XKR4: variants seen among roughly 807,000 people sequenced by gnomAD.
XKR4 encodes the protein XK related 4, also known as XK-related protein 4.
A neutral mutation model predicts 53.9 loss-of-function variants in XKR4; 12 were observed. The observed-to-expected ratio is 0.22, with a 90% confidence interval of 0.14 to 0.36. The LOEUF (loss-of-function observed/expected upper bound fraction) is 0.36, where lower values mean the gene tolerates loss of function less well. Ranked by LOEUF, XKR4 falls within the 10% of genes least tolerant of loss-of-function variation. The pLI is 1.00. For missense variants in XKR4, 799 were observed against 859.5 expected (o/e 0.93, Z 0.88); for synonymous variants, 354 against 362.4 (o/e 0.98, Z 0.26).
rs1176880441 is a variant in XKR4, at chr8:55,528,399, G to C, written c.*4172G>C. On this transcript the variant is annotated 3_prime_UTR_variant, in exon 3 of 3. Coordinates refer to ENST00000327381, the MANE Select transcript of XKR4 (RefSeq NM_052898.2). The stretch of plus-strand genomic sequence containing the variant: ...CAGGATTGTGTAAGGTTACACATTT[G>C]CTTTTAAATATACCAAATGCCGTTG... 6.6e-6 allele frequency: 1 copy of C among 152,202 alleles called. No homozygotes were observed. Among genetic ancestry groups the C allele is most frequent in the African/African-American group, 2.4e-5 (1 of 41,454 alleles). 9.4% of individuals were successfully genotyped at this position (152,202 alleles called of 1,614,324 possible). A position where few individuals can be genotyped will look rare whatever the true frequency, so the allele number is the denominator to read the frequency against.
chr8:55,356,300 C>T (rs917304482), intron 1 of XKR4, among the ~76,000 whole-genome samples: 3 of 152,138 alleles, frequency 2.0e-5, no homozygotes, highest in Middle Eastern at 3.2e-3. Context: ...CAAAAGCAGT[C>T]GAACTTGAAG....
At chr8:55,415,456 G>T (rs1043273903) in intron 2 of XKR4, among the ~76,000 whole-genome samples, 3 of 152,190 alleles carry the variant, frequency 2.0e-5, no homozygotes, top group African/African-American at 7.2e-5. Flanking sequence ...TGTAGGAAAA[G>T]ATACAGATCC....
At chr8:55,123,434 G>T (rs974869015) in intron 1 of XKR4, among the ~76,000 whole-genome samples, 2 of 152,236 alleles carry the variant, frequency 1.3e-5, no homozygotes, top group African/African-American at 4.8e-5. Flanking sequence ...GCTGGCATCA[G>T]GCCAGTGGGT....
chr8:55,212,841 C>T (rs907717674), intron 1 of XKR4, among the ~76,000 whole-genome samples: 1 of 152,040 alleles, frequency 6.6e-6, no homozygotes, highest in African/African-American at 2.4e-5. Flanking sequence ...GGTGTTCATC[C>T]AGTTTTTGTA....
intron 1 of XKR4, among the ~76,000 whole-genome samples, chr8:55,339,605 T>A (rs1013583770): frequency 2.6e-5 from 4 of 152,198 alleles, no homozygotes; most frequent in African/African-American, 9.7e-5. Flanking sequence ...GCACCTTCTT[T>A]TTCTTTAATG....
chr8:55,392,077 C>T (rs1804451114), intron 2 of XKR4, among the ~76,000 whole-genome samples: 1 of 152,148 alleles, frequency 6.6e-6, no homozygotes, highest in South Asian at 2.1e-4. Context: ...GTAAAAAGCT[C>T]ATTAGTATAG....
intron 1 of XKR4, among the ~76,000 whole-genome samples, chr8:55,239,622 C>A (rs1818180592): frequency 6.6e-6 from 1 of 152,190 alleles, no homozygotes. Context: ...AGACATTCTT[C>A]TAATATTCTG....
intron 1 of XKR4, among the ~76,000 whole-genome samples, chr8:55,320,162 C>A (rs1803184885): frequency 6.6e-6 from 1 of 152,152 alleles, no homozygotes; most frequent in African/African-American, 2.4e-5. Context: ...CTGTATTGAT[C>A]TGAAAAACAG....
intron 2 of XKR4, among the ~76,000 whole-genome samples, chr8:55,509,317 C>T (rs1806588189): frequency 6.6e-6 from 1 of 152,196 alleles, no homozygotes; most frequent in African/African-American, 2.4e-5. Flanking sequence ...TAATTGTGAA[C>T]TCATACTTCC....
Position 55,527,199 on chromosome 8 carries a change from C to G in XKR4, c.*2972C>G, listed in dbSNP as rs1314834300. The G allele has an allele frequency of 6.9e-6, 1 of 144,168 alleles. No individual in the cohort carries two copies. Among genetic ancestry groups the G allele is most frequent in the Admixed American group, 7.1e-5 (1 of 14,140 alleles). The allele number at this position is 144,168 out of a possible 1,614,324, so 8.9% of individuals were successfully genotyped here. A position where few individuals can be genotyped will look rare whatever the true frequency, so the allele number is the denominator to read the frequency against. On this transcript the variant is annotated 3_prime_UTR_variant, in exon 3 of 3. Coordinates refer to ENST00000327381, the MANE Select transcript of XKR4 (RefSeq NM_052898.2). The stretch of plus-strand genomic sequence containing the variant: ...GATTTAAAGAGACATCATCAGTGTA[C>G]AAAGAAACAAAGTTTCATTTTTGTA...
intron 1 of XKR4, among the ~76,000 whole-genome samples, chr8:55,116,792 A>C (rs1392090686): frequency 6.6e-6 from 1 of 151,946 alleles, no homozygotes; most frequent in East Asian, 1.9e-4. Flanking sequence ...TTTTTGGTTC[A>C]GTGTTCTTAA....
chr8:55,364,552 T>C (rs1363634720), intron 2 of XKR4, among the ~76,000 whole-genome samples: 1 of 152,216 alleles, frequency 6.6e-6, no homozygotes, highest in Non-Finnish European at 1.5e-5. Context: ...CAAGCTGGTG[T>C]CTGAAACTGT....
At chr8:55,387,510 G>A (rs2129388223) in intron 2 of XKR4, among the ~76,000 whole-genome samples, 1 of 152,244 alleles carries the variant, frequency 6.6e-6, no homozygotes, top group South Asian at 2.1e-4. Context: ...CTAGGGCTAG[G>A]GCTGTGGTCA....
chr8:55,205,227 C>T (rs563961020), intron 1 of XKR4, among the ~76,000 whole-genome samples: 2 of 152,318 alleles, frequency 1.3e-5, no homozygotes, highest in East Asian at 3.9e-4. Context: ...AAAAATCTTT[C>T]TTGCCTAGCT....
chr8:55,294,165 C>T (rs1477010436), intron 1 of XKR4, among the ~76,000 whole-genome samples: 17 of 152,172 alleles, frequency 1.1e-4, no homozygotes, highest in Admixed American at 1.1e-3. Flanking sequence ...TCCTACCTCA[C>T]GATTTGTTCA....
intron 2 of XKR4, among the ~76,000 whole-genome samples, chr8:55,361,181 C>T (rs1803898542): frequency 6.6e-6 from 1 of 152,222 alleles, no homozygotes; most frequent in Non-Finnish European, 1.5e-5. Context: ...AGGTAGTGCT[C>T]ACTGTACTTC....
intron 1 of XKR4, among the ~76,000 whole-genome samples, chr8:55,313,977 C>A (rs1241583741): frequency 6.6e-6 from 1 of 152,178 alleles, no homozygotes; most frequent in Non-Finnish European, 1.5e-5. Flanking sequence ...CTTTGTCCAT[C>A]ACAGCTACCA....
chr8:55,188,671 A>G (rs1379488670), intron 1 of XKR4, among the ~76,000 whole-genome samples: 1 of 152,188 alleles, frequency 6.6e-6, no homozygotes, highest in African/African-American at 2.4e-5. Context: ...TTTTGGGTCT[A>G]GGGTCAAACT....
intron 2 of XKR4, among the ~76,000 whole-genome samples, chr8:55,390,831 TGAGA>T (rs1185528757): frequency 6.6e-6 from 1 of 152,196 alleles, no homozygotes; most frequent in Non-Finnish European, 1.5e-5. Context: ...TTTACTTACC[TGAGA>T]GAGACCCAGA....
Sources: allele counts gnomAD v4.1 joint callset (sites outside exome capture counted in the v4.1 genomes callset), GRCh38; gene constraint gnomAD v4.1.1; transcripts MANE v1.5; gene names NCBI Gene and HGNC (gene_info 2026-07-23, HGNC 2026-07-21).